ERC1: variants seen among roughly 807,000 people sequenced by gnomAD.
ERC1 encodes the protein ELKS/RAB6-interacting/CAST family member 1, also known as RAB6 interacting protein 2.
A neutral mutation model predicts 132.0 loss-of-function variants in ERC1; 56 were observed. The ratio of observed to expected loss-of-function variants is 0.42; its 90% CI spans 0.34 to 0.53. The LOEUF is 0.53. ERC1 is among the 20% of genes least tolerant of loss of function. The pLI is 0.03. For missense variants in ERC1, 1,202 were observed against 1,349.9 expected (o/e 0.89, Z 1.72); for synonymous variants, 478 against 476.1 (o/e 1.00, Z -0.05).
At chr12:1,175,445 A>C (rs1953590059) in intron 8 of ERC1, among the ~76,000 whole-genome samples, 1 of 146,058 alleles carries the variant, frequency 6.8e-6, no homozygotes, top group Non-Finnish European at 1.5e-5. Flanking sequence ...CATCATCTTC[A>C]CCAAGAGTAG....
At chr12:1,004,806 CTGTGTGTGTGTGTG>C (rs60674277) in intron 1 of ERC1, among the ~76,000 whole-genome samples, 28,884 of 146,818 alleles carry the variant, frequency 0.2, 3,129 homozygotes, top group Non-Finnish European at 0.24. Flanking sequence ...CTGCCTTTTT[CTGTGTGTGTGTGTG>C]TGTGTGTGTG....
At chr12:1,440,415 C>A (rs187172895) in intron 17 of ERC1, among the ~76,000 whole-genome samples, 1 of 150,586 alleles carries the variant, frequency 6.6e-6, no homozygotes, top group Non-Finnish European at 1.5e-5. Context: ...ACCGTGTTAG[C>A]CAGGATGGTC....
intron 8 of ERC1, among the ~76,000 whole-genome samples, chr12:1,165,240 T>C (rs1455052938): frequency 1.3e-5 from 2 of 152,140 alleles, no homozygotes; most frequent in Non-Finnish European, 2.9e-5. Context: ...CAAGAACCAG[T>C]GTGCTTGCTA....
At chr12:1,239,419 A>G (rs1003662006) in intron 13 of ERC1, among the ~76,000 whole-genome samples, 5 of 152,126 alleles carry the variant, frequency 3.3e-5, no homozygotes, top group African/African-American at 1.2e-4. Context: ...CTGCGTTGTC[A>G]TTTACAACAA....
At chr12:1,236,154 A>G (rs1468453981) in intron 12 of ERC1, among the ~76,000 whole-genome samples, 1 of 152,188 alleles carries the variant, frequency 6.6e-6, no homozygotes, top group Non-Finnish European at 1.5e-5. Context: ...CAAAACAATA[A>G]TAAAAGCAAA....
intron 15 of ERC1, among the ~76,000 whole-genome samples, chr12:1,354,834 G>T (rs953637214): frequency 1.3e-5 from 2 of 152,066 alleles, no homozygotes; most frequent in East Asian, 1.9e-4. Context: ...TAGAGACGGG[G>T]TGTCACCAAG....
chr12:1,046,298 G>C (rs1971072939), intron 2 of ERC1, among the ~76,000 whole-genome samples: 1 of 152,148 alleles, frequency 6.6e-6, no homozygotes, highest in South Asian at 2.1e-4. Flanking sequence ...GTCATGGACT[G>C]GCTTTGAGAA....
chr12:1,122,547 G>GTCTCTATCTCTATCTATCTCTATCTCTA (rs1947608729), intron 7 of ERC1, among the ~76,000 whole-genome samples: 3 of 8,958 alleles, frequency 3.3e-4, no homozygotes, highest in Admixed American at 1.9e-3. Context: ...CTCTATCTGT[G>GTCTCTATCTCTATCTATCTCTATCTCTA]TCTCTATCTC....
chr12:1,388,714 A>C (rs937541867), intron 16 of ERC1, among the ~76,000 whole-genome samples: 4 of 152,238 alleles, frequency 2.6e-5, no homozygotes, highest in African/African-American at 9.6e-5. Flanking sequence ...TGGAGTAAGA[A>C]GATGGTAAGA....
At chr12:1,282,672 G>A (rs765615866) in intron 14 of ERC1, among the ~76,000 whole-genome samples, 9 of 152,208 alleles carry the variant, frequency 5.9e-5, no homozygotes, top group African/African-American at 2.2e-4. Flanking sequence ...TAGAATTTAT[G>A]TATGTAGGTA....
intron 15 of ERC1, among the ~76,000 whole-genome samples, chr12:1,346,609 T>C (rs1215385926): frequency 6.6e-6 from 1 of 152,192 alleles, no homozygotes; most frequent in Non-Finnish European, 1.5e-5. Context: ...TATTCCAGTG[T>C]ATAGGAAACA....
intron 3 of ERC1, among the ~76,000 whole-genome samples, chr12:1,096,793 C>G (rs1944095044): frequency 6.6e-6 from 1 of 152,080 alleles, no homozygotes; most frequent in African/African-American, 2.4e-5. Flanking sequence ...CCCTCATAAC[C>G]ACTACCTAGG....
chr12:1,207,411 G>C (rs1333697920), intron 12 of ERC1, among the ~76,000 whole-genome samples: 8 of 152,124 alleles, frequency 5.3e-5, no homozygotes, highest in Admixed American at 3.9e-4. Flanking sequence ...CCAGGAGAAT[G>C]ATCGTTATTA....
chr12:1,295,626 G>A (rs938469702), intron 15 of ERC1, among the ~76,000 whole-genome samples: 1 of 152,026 alleles, frequency 6.6e-6, no homozygotes, highest in African/African-American at 2.4e-5. Flanking sequence ...CAAGGACCAT[G>A]CTCTAATATA....
chr12:1,020,440 G>T (rs1340824080), intron 1 of ERC1, among the ~76,000 whole-genome samples: 1 of 152,212 alleles, frequency 6.6e-6, no homozygotes, highest in Non-Finnish European at 1.5e-5. Context: ...TTGGGCAACA[G>T]AGTGAGACTC....
chr12:1,176,081 A>G (rs1339491052), intron 8 of ERC1, among the ~76,000 whole-genome samples: 2 of 152,218 alleles, frequency 1.3e-5, no homozygotes, highest in African/African-American at 4.8e-5. Context: ...AATCCTTTCC[A>G]AAAAGTTTTC....
chr12:1,096,951 A>G (rs1167473229), intron 3 of ERC1, among the ~76,000 whole-genome samples: 1 of 152,180 alleles, frequency 6.6e-6, no homozygotes, highest in Non-Finnish European at 1.5e-5. Context: ...TCTGATCCTT[A>G]CTATCATAGT....
At chr12:1,153,758 C>CT (rs1951050756) in intron 8 of ERC1, among the ~76,000 whole-genome samples, 1 of 152,230 alleles carries the variant, frequency 6.6e-6, no homozygotes, top group African/African-American at 2.4e-5. Flanking sequence ...GAATGCTGGG[C>CT]TTGCCCTCCT....
chr12:999,858 G>C (rs1430706768), intron 1 of ERC1, among the ~76,000 whole-genome samples: 1 of 152,144 alleles, frequency 6.6e-6, no homozygotes, highest in East Asian at 1.9e-4. Context: ...GCCTCCCAGA[G>C]TGCTGGGATT....
Sources: gnomAD v4.1 joint callset for allele counts (sites outside exome capture counted in the v4.1 genomes callset) on GRCh38, gnomAD v4.1.1 for gene constraint, MANE v1.5 for transcripts, NCBI Gene and HGNC (gene_info 2026-07-23, HGNC 2026-07-21) for gene names.